The following CADM2 variants were observed in gnomAD, a reference collection of about 807,000 sequenced individuals.
The protein encoded by CADM2 is immunoglobulin superfamily member 4D.
CADM2 carries 12 observed loss-of-function variants against 49.8 expected under a neutral mutation model. The ratio of observed to expected loss-of-function variants is 0.24; its 90% CI spans 0.15 to 0.39. The LOEUF (loss-of-function observed/expected upper bound fraction) is 0.39. Ranked by LOEUF, CADM2 falls within the 10% of genes least tolerant of loss-of-function variation. CADM2 has a pLI of 1.00. For missense variants in CADM2, 378 were observed against 492.3 expected (o/e 0.77, Z 2.20); for synonymous variants, 214 against 175.4 (o/e 1.22, Z -1.74).
chr3:85,459,534 G>GA (rs1305491824), intron 1 of CADM2, among the ~76,000 whole-genome samples: 2 of 152,018 alleles, frequency 1.3e-5, no homozygotes, highest in East Asian at 1.9e-4. Context: ...TGCTTAAAAA[G>GA]AAAAAAGTTA....
rs574158492 is a variant in CADM2, at chr3:85,962,322, A to G, written c.970+675A>G. On this transcript the variant is annotated intron_variant, in intron 8 of 9. Coordinates refer to ENST00000383699, the MANE Select transcript of CADM2 (RefSeq NM_001167675.2). ...TTTTATTGTATTATCATAAACATAT[A>G]CTTTATAACTTCTGTAATTTGGTTT... is the stretch of plus-strand genomic sequence containing the variant. Among the ~76,000 whole-genome samples, 10 of 152,126 alleles carry G rather than the reference A, an allele frequency of 6.6e-5. No individual in the cohort carries two copies. The South Asian group carries it at 2.1e-3, about 31-fold the overall frequency.
At chr3:86,040,958 A>G (rs996044421) in intron 8 of CADM2, among the ~76,000 whole-genome samples, 1 of 152,216 alleles carries the variant, frequency 6.6e-6, no homozygotes, top group African/African-American at 2.4e-5. Context: ...TTTTCAACCC[A>G]GAATTTCATA....
intron 1 of CADM2, among the ~76,000 whole-genome samples, chr3:85,512,664 G>A (rs2040672483): frequency 6.6e-6 from 1 of 151,458 alleles, no homozygotes; most frequent in African/African-American, 2.4e-5. Context: ...AGCATGTATT[G>A]CATCTAAAAA....
chr3:85,617,225 G>A (rs1458607785), intron 1 of CADM2, among the ~76,000 whole-genome samples: 2 of 152,072 alleles, frequency 1.3e-5, no homozygotes, highest in Non-Finnish European at 2.9e-5. Context: ...TGGACCTTGG[G>A]AATTTCTGAC....
chr3:85,532,131 C>T (rs2061327262), intron 1 of CADM2, among the ~76,000 whole-genome samples: 1 of 152,108 alleles, frequency 6.6e-6, no homozygotes, highest in Non-Finnish European at 1.5e-5. Flanking sequence ...GAGCCGAGAT[C>T]CCGCCATTGC....
At chr3:85,329,518 C>T (rs1003468906) in intron 1 of CADM2, among the ~76,000 whole-genome samples, 31 of 151,674 alleles carry the variant, frequency 2.0e-4, no homozygotes, top group Non-Finnish European at 2.5e-4. Flanking sequence ...TGCAGTGAGC[C>T]GAGATTGCAC....
intron 3 of CADM2, among the ~76,000 whole-genome samples, chr3:85,835,580 T>C (rs2108245544): frequency 6.6e-6 from 1 of 151,124 alleles, no homozygotes; most frequent in African/African-American, 2.4e-5. Context: ...TTTTTATTTT[T>C]GGTGTTTTTC....
intron 1 of CADM2, among the ~76,000 whole-genome samples, chr3:85,432,337 G>A (rs142792106): frequency 1.3e-5 from 2 of 152,056 alleles, no homozygotes; most frequent in Admixed American, 6.6e-5. Context: ...CAGAGCAGTC[G>A]CAGAGGGAGG....
intron 1 of CADM2, among the ~76,000 whole-genome samples, chr3:85,715,638 A>G (rs779115411): frequency 7.2e-5 from 11 of 151,978 alleles, no homozygotes; most frequent in Middle Eastern, 3.2e-3. Flanking sequence ...TATTTCTCTT[A>G]ATGCTATCCC....
intron 1 of CADM2, among the ~76,000 whole-genome samples, chr3:85,213,396 C>A (rs763447952): frequency 1.3e-5 from 2 of 151,740 alleles, no homozygotes. Context: ...TTTCATGCTA[C>A]TCTCTCCTGG....
At chr3:86,033,026 C>T (rs368657506) in intron 8 of CADM2, among the ~76,000 whole-genome samples, 2 of 151,826 alleles carry the variant, frequency 1.3e-5, no homozygotes, top group East Asian at 1.9e-4. Flanking sequence ...ACAATCAAAA[C>T]CTTTCCCCAA....
intron 8 of CADM2, among the ~76,000 whole-genome samples, chr3:85,999,277 G>GGA (rs1422428251): frequency 6.6e-6 from 1 of 150,620 alleles, no homozygotes; most frequent in East Asian, 2.0e-4. Flanking sequence ...GGGTTGGGGG[G>GGA]TGGATCACTT....
chr3:85,353,453 C>A (rs1389256531), intron 1 of CADM2, among the ~76,000 whole-genome samples: 1 of 151,658 alleles, frequency 6.6e-6, no homozygotes, highest in Non-Finnish European at 1.5e-5. Context: ...GGAAATAATT[C>A]TGTCTTCTAT....
chr3:85,154,201 G>A (rs543321516), intron 1 of CADM2, among the ~76,000 whole-genome samples: 1 of 152,270 alleles, frequency 6.6e-6, no homozygotes, highest in African/African-American at 2.4e-5. Context: ...AAAAAATTTA[G>A]AAGAATGTAT....
intron 1 of CADM2, among the ~76,000 whole-genome samples, chr3:85,609,213 C>G (rs749544423): frequency 6.6e-6 from 1 of 151,964 alleles, no homozygotes; most frequent in Non-Finnish European, 1.5e-5. Context: ...GAATGATTCC[C>G]TAAGATTTGA....
chr3:85,118,883 G>T (rs536429441), intron 1 of CADM2, among the ~76,000 whole-genome samples: 1 of 152,070 alleles, frequency 6.6e-6, no homozygotes, highest in Non-Finnish European at 1.5e-5. Context: ...CTGAGTAGCT[G>T]GGATTACAGG....
chr3:85,568,463 C>CTTTCTTTCTTTG (rs1424573453), intron 1 of CADM2, among the ~76,000 whole-genome samples: 2 of 13,192 alleles, frequency 1.5e-4, no homozygotes, highest in Non-Finnish European at 2.9e-4. Context: ...TTCTTTCTTT[C>CTTTCTTTCTTTG]TCTTTCTCTC....
intron 1 of CADM2, among the ~76,000 whole-genome samples, chr3:85,073,922 A>G (rs72903377): frequency 0.031 from 4,753 of 152,232 alleles, 269 homozygotes; most frequent in African/African-American, 0.11. Context: ...ATGTTTCAGT[A>G]ATTGAATTGA....
At chr3:85,688,556 T>C (rs2107674652) in intron 1 of CADM2, among the ~76,000 whole-genome samples, 1 of 133,702 alleles carries the variant, frequency 7.5e-6, no homozygotes, top group Non-Finnish European at 1.5e-5. Flanking sequence ...GCAGTTTATT[T>C]ATTTATTCTT....
Sources: gnomAD v4.1 joint callset for allele counts (sites outside exome capture counted in the v4.1 genomes callset) on GRCh38, gnomAD v4.1.1 for gene constraint, MANE v1.5 for transcripts, NCBI Gene and HGNC (gene_info 2026-07-23, HGNC 2026-07-21) for gene names.